The following GLRA2 variants were observed in gnomAD, a reference collection of about 807,000 sequenced individuals.
GLRA2 encodes glycine receptor alpha 2.
A neutral mutation model predicts 31.6 loss-of-function variants in GLRA2; 11 were observed. The ratio of observed to expected loss-of-function variants is 0.35; its 90% CI spans 0.22 to 0.58. The LOEUF (loss-of-function observed/expected upper bound fraction) is 0.58. Ranked by LOEUF, GLRA2 falls within the 20% of genes least tolerant of loss-of-function variation. The pLI is 0.84. For synonymous variants in GLRA2, 132 were observed against 134.0 expected (o/e 0.99, Z 0.10); for missense variants, 212 against 351.8 (o/e 0.60, Z 3.18).
chrX:14,626,632 C>T (rs977455507), intron 7 of GLRA2, among the ~76,000 whole-genome samples: 4 of 111,621 alleles, frequency 3.6e-5, no homozygotes, highest in Admixed American at 9.5e-5. Flanking sequence ...CATCAATTCA[C>T]AGCATGTGAG....
chrX:14,470,661 G>A, the GLRA2 span, among the ~76,000 whole-genome samples: 2 of 111,621 alleles, frequency 1.8e-5, no homozygotes, highest in African/African-American at 6.5e-5. Flanking sequence ...AGAAACATGA[G>A]GGATACACAA....
chrX:14,604,463 T>C, intron 5 of GLRA2, 66 bp downstream of exon 5: 1 of 678,262 alleles, frequency 1.5e-6, no homozygotes, highest in Non-Finnish European at 2.3e-6. Flanking sequence ...TTTTAGTATG[T>C]CATTAAAGAG....
intron 7 of GLRA2, among the ~76,000 whole-genome samples, chrX:14,681,904 A>ATATATATATATATAT (rs1295348729): frequency 2.6e-5 from 1 of 37,962 alleles, no homozygotes; most frequent in Admixed American, 2.3e-4. Context: ...AAAAAAAAAA[A>ATATATATATATATAT]AAAAAAATAT....
the GLRA2 span, among the ~76,000 whole-genome samples, chrX:14,486,108 T>C: frequency 9.0e-6 from 1 of 111,199 alleles, no homozygotes; most frequent in Non-Finnish European, 1.9e-5. Context: ...TGTGCCCACA[T>C]ATACATGAAA....
At chrX:14,618,596 T>A (rs767836571) in intron 7 of GLRA2, among the ~76,000 whole-genome samples, 2 of 112,281 alleles carry the variant, frequency 1.8e-5, no homozygotes, top group East Asian at 5.6e-4. Flanking sequence ...AAATACCCAT[T>A]TATTAGCTTG....
chrX:14,459,006 G>A, the GLRA2 span, among the ~76,000 whole-genome samples: 135 of 111,822 alleles, frequency 1.2e-3, no homozygotes, highest in African/African-American at 4.2e-3. Flanking sequence ...ATGGTTTTAG[G>A]TCTAACATTT....
chrX:14,629,050 G>A (rs934454000), intron 7 of GLRA2, among the ~76,000 whole-genome samples: 13 of 111,323 alleles, frequency 1.2e-4, no homozygotes, highest in Admixed American at 1.1e-3. Flanking sequence ...AAATATTGAA[G>A]GTAGAATTAA....
intron 7 of GLRA2, among the ~76,000 whole-genome samples, chrX:14,672,607 T>C (rs183102157): frequency 8.9e-6 from 1 of 111,781 alleles, no homozygotes; most frequent in East Asian, 2.8e-4. Flanking sequence ...AGCTGACTTG[T>C]ATCAAAATGC....
upstream of GLRA2, among the ~76,000 whole-genome samples, chrX:14,528,731 T>TA (rs1384772670): frequency 8.9e-6 from 1 of 112,106 alleles, no homozygotes; most frequent in East Asian, 2.8e-4. Context: ...GCAGATGAAC[T>TA]AAACTCCCAG....
intron 1 of GLRA2, among the ~76,000 whole-genome samples, chrX:14,530,468 T>G (rs1424894226): frequency 8.9e-6 from 1 of 111,922 alleles, no homozygotes; most frequent in Middle Eastern, 4.6e-3. Context: ...TGCAGTGTTT[T>G]TCATATAAGA....
chrX:14,682,527 C>T (rs932701392), intron 7 of GLRA2, among the ~76,000 whole-genome samples: 8 of 110,363 alleles, frequency 7.2e-5, no homozygotes, highest in African/African-American at 1.3e-4. Flanking sequence ...AGGACTTATT[C>T]TGTGTTTGAA....
chrX:14,544,106 A>G (rs943598055), intron 2 of GLRA2, among the ~76,000 whole-genome samples: 3 of 112,107 alleles, frequency 2.7e-5, no homozygotes, highest in Non-Finnish European at 5.7e-5. Context: ...GGTCAACATT[A>G]GCATTATGAT....
intron 7 of GLRA2, among the ~76,000 whole-genome samples, chrX:14,643,523 T>C (rs1251651172): frequency 2.7e-5 from 3 of 111,875 alleles, no homozygotes; most frequent in African/African-American, 6.5e-5. Flanking sequence ...GAGACTCCAA[T>C]TGACACCATC....
chrX:14,581,085 C>A (rs778446436), intron 3 of GLRA2, 98 bp from the exon 4 acceptor site: 17 of 566,998 alleles, frequency 3.0e-5, no homozygotes, highest in Non-Finnish European at 5.2e-5. Flanking sequence ...ACTCGGACAC[C>A]AAAGCTGTAT....
chrX:14,583,194 A>C (rs2147068102), intron 4 of GLRA2, among the ~76,000 whole-genome samples: 1 of 112,149 alleles, frequency 8.9e-6, no homozygotes, highest in South Asian at 3.7e-4. Flanking sequence ...CACAGAGAAA[A>C]CGGAACACTT....
the GLRA2 span, among the ~76,000 whole-genome samples, chrX:14,474,625 T>G: frequency 9.1e-6 from 1 of 109,846 alleles, no homozygotes; most frequent in Non-Finnish European, 1.9e-5. Flanking sequence ...GTGGGTGGGC[T>G]GAAGCTGGCT....
upstream of GLRA2, among the ~76,000 whole-genome samples, chrX:14,524,421 C>T: frequency 8.9e-6 from 1 of 111,826 alleles, no homozygotes; most frequent in Non-Finnish European, 1.9e-5. Flanking sequence ...TGCATTTTAT[C>T]AAGGTGAAAT....
At chrX:14,465,312 C>G in the GLRA2 span, among the ~76,000 whole-genome samples, 613 of 112,171 alleles carry the variant, frequency 5.5e-3, 8 homozygotes, top group African/African-American at 0.018. Context: ...TATCCTGCAA[C>G]TTTACTGAAT....
At chrX:14,623,886 CTCTTTT>C (rs2090553805) in intron 7 of GLRA2, among the ~76,000 whole-genome samples, 1 of 111,827 alleles carries the variant, frequency 8.9e-6, no homozygotes, top group Non-Finnish European at 1.9e-5. Context: ...AGAGGATTCC[CTCTTTT>C]TCTATTGATT....
Sources: allele counts gnomAD v4.1 joint callset (sites outside exome capture counted in the v4.1 genomes callset), GRCh38; gene constraint gnomAD v4.1.1; transcripts MANE v1.5; gene names NCBI Gene and HGNC (gene_info 2026-07-23, HGNC 2026-07-21).